The following CLTCL1 variants were observed in gnomAD, a reference collection of about 807,000 sequenced individuals.
CLTCL1 encodes the protein clathrin heavy chain 2.
CLTCL1 carries 159 observed loss-of-function variants against 190.0 expected under a neutral mutation model. The ratio of observed to expected loss-of-function variants is 0.84; its 90% CI spans 0.74 to 0.95. CLTCL1 has a LOEUF of 0.95. Ranked by LOEUF, CLTCL1 falls within the 40% of genes least tolerant of loss-of-function variation. CLTCL1 has a pLI of 0.00. For missense variants in CLTCL1, 1,878 were observed against 2,033.4 expected (o/e 0.92, Z 1.47); for synonymous variants, 752 against 769.6 (o/e 0.98, Z 0.38).
At chr22:19,184,680 A>G (rs1555927484) in intron 29 of CLTCL1, 2 of 417,872 alleles carry the variant, frequency 4.8e-6, no homozygotes, top group African/African-American at 2.0e-5. Context: ...CTTGTCTTCC[A>G]CATGTGCCTA....
chr22:19,216,212 A>G lies in CLTCL1; in HGVS notation c.2964T>C (p.Ile988=). Residue 988 remains isoleucine (I), a synonymous_variant, in exon 19 of 33, where the codon ATT becomes ATC. Transcript: ENST00000427926. ...TCATAAAGGCTTTGACAGTGACCGA[A>G]ATCTCTTCAGGATCCCGTGTTTCTG... ...ALSETRDPEE[I]SVTVKAFMTA... The G allele has an allele frequency of 1.2e-6, 2 of 1,614,006 alleles. No homozygotes were observed. The highest frequency in any genetic ancestry group is 1.7e-6 in the Non-Finnish European group (2 of 1,179,868).
intron 2 of CLTCL1, among the ~76,000 whole-genome samples, chr22:19,259,230 G>A (rs1555974336): frequency 1.3e-5 from 2 of 152,048 alleles, no homozygotes; most frequent in African/African-American, 4.8e-5. Flanking sequence ...CTCAGCCTCT[G>A]TAGTAGTTGG....
chr22:19,204,516 T>C (rs993324512), intron 22 of CLTCL1, among the ~76,000 whole-genome samples: 1 of 152,180 alleles, frequency 6.6e-6, no homozygotes, highest in African/African-American at 2.4e-5. Context: ...CACCATTTAA[T>C]AGATCACAGT....
intron 30 of CLTCL1, chr22:19,181,064 G>A (rs2084120970): frequency 5.6e-6 from 3 of 537,002 alleles, no homozygotes; most frequent in Non-Finnish European, 1.0e-5. Context: ...AGTGGGCACT[G>A]GGGCAGTCAG....
chr22:19,234,537 G>A lies in CLTCL1; in HGVS notation c.1139C>T (p.Ala380Val), dbSNP rs782685604. 6.2e-7 allele frequency: 1 copy of A among 1,613,694 alleles called. No individual in the cohort carries two copies. Among genetic ancestry groups the A allele is most frequent in the East Asian group, 2.2e-5 (1 of 44,884 alleles). ...TLFAQGSYAEAAKVAASAPKG... is the reference protein window; with the variant it reads ...TLFAQGSYAEVAKVAASAPKG... Reference sequence around the variant, plus strand: ...TGGTGCAGACGCTGCAACTTTGGCGGCTTCAGCATAGCTGCCCTGTGCAAA... The same window carrying A: ...TGGTGCAGACGCTGCAACTTTGGCGACTTCAGCATAGCTGCCCTGTGCAAA... Residue 380 changes from alanine to valine, a missense_variant, in exon 7 of 33, where the codon GCC (alanine) becomes GTC (valine). By Grantham distance (64) the Ala-to-Val change is moderately conservative. Coordinates refer to ENST00000427926, the MANE Select transcript of CLTCL1 (RefSeq NM_007098.4).
At chr22:19,208,440 C>A in intron 21 of CLTCL1, 129 bp from the exon 22 acceptor site, 1 of 1,061,166 alleles carries the variant, frequency 9.4e-7, no homozygotes, top group East Asian at 2.4e-5. Flanking sequence ...ACTCAGACTC[C>A]AGATAACGTC....
rs782750787 is a variant in CLTCL1, at chr22:19,223,911, G to C, written c.2272C>G (p.Arg758Gly). 1.2e-6 allele frequency: 2 copies of C among 1,613,794 alleles called. No individual in the cohort carries two copies. Among genetic ancestry groups the C allele is most frequent in the Admixed American group, 3.3e-5 (2 of 60,024 alleles). The change falls in exon 14 of 33, where the codon CGT becomes GGT. Residue 758 changes from arginine to glycine, a missense_variant. Arg to Gly is a moderately radical substitution (Grantham distance 125). Coordinates refer to ENST00000427926, the MANE Select transcript of CLTCL1 (RefSeq NM_007098.4). Reference protein sequence around the residue: ...CRESSCYNPERVKNFLKEAKL... With the variant: ...CRESSCYNPEGVKNFLKEAKL... ...CACACCTTCAGGAAGTTCTTCACAC[G>C]CTCTGGGTTGTAGCAGCTGCTCTCT...
Position 19,198,703 on chromosome 22 carries a change from G to A in CLTCL1, c.3873+1031C>T, listed in dbSNP as rs1251012597. Among the ~76,000 whole-genome samples the A allele has an allele frequency of 1.3e-5, 2 of 152,118 alleles. No homozygotes were observed. The highest frequency in any genetic ancestry group is 2.1e-4 in the South Asian group (1 of 4,824). ...CCAGGCACTCCTATGCCCTCAAACCGGCTCCATTTTCCTCTATAACTGATC... is the reference window on the plus strand; with the variant it reads ...CCAGGCACTCCTATGCCCTCAAACCAGCTCCATTTTCCTCTATAACTGATC... On this transcript the variant is annotated intron_variant, in intron 24 of 32. Coordinates refer to ENST00000427926, the MANE Select transcript of CLTCL1 (RefSeq NM_007098.4). This position sits in a 1 kb window ranked among gnomAD's most constrained non-coding sequence, Gnocchi z 4.1.
At position 19,225,508 on chromosome 22, in the gene CLTCL1, C is replaced by T; in HGVS notation, c.2073G>A (p.Glu691=). 1 of 1,587,566 alleles carries T rather than the reference C, an allele frequency of 6.3e-7. No homozygotes were observed. Among genetic ancestry groups the T allele is most frequent in the Non-Finnish European group, 8.6e-7 (1 of 1,166,324 alleles). Residue 691 remains glutamate (E), a synonymous_variant, in exon 13 of 33, where the codon GAG becomes GAA. Transcript: ENST00000427926. The stretch of plus-strand genomic sequence containing the variant: ...CCACCAGGGCCTGCGTGCCCAGCTG[C>T]TCGTGGTACTTAGAGGCCACCTGCA... The part of the protein sequence containing the change: ...LCVQVASKYH[E]QLGTQALVEL...
chr22:19,272,620 G>A (rs959190675), intron 2 of CLTCL1, among the ~76,000 whole-genome samples: 3 of 151,998 alleles, frequency 2.0e-5, no homozygotes, highest in Non-Finnish European at 2.9e-5. Flanking sequence ...ACAGGTGCAC[G>A]CCACCACGCC....
intron 5 of CLTCL1, among the ~76,000 whole-genome samples, chr22:19,238,195 T>C (rs895636139): frequency 6.6e-6 from 1 of 152,176 alleles, no homozygotes; most frequent in Non-Finnish European, 1.5e-5. Flanking sequence ...GTTCTAGAAA[T>C]TCTCCTGCCT....
At chr22:19,201,916 T>C (rs2084899922) in intron 22 of CLTCL1, among the ~76,000 whole-genome samples, 1 of 152,138 alleles carries the variant, frequency 6.6e-6, no homozygotes, top group South Asian at 2.1e-4. Flanking sequence ...TTTCTCATTC[T>C]CTGGCAATTT....
chr22:19,233,539 G>A lies in CLTCL1; in HGVS notation c.1251C>T (p.Tyr417=). The change falls in exon 8 of 33, where the codon TAC becomes TAT. Residue 417 remains tyrosine, a synonymous_variant. Transcript: ENST00000427926. Reference sequence around the variant, plus strand: ...GACCCTGGTCGAGCAGGATTCCGAAGTACTGCAGCAATGGAGAAGCCTGGC... The same window carrying A: ...GACCCTGGTCGAGCAGGATTCCGAAATACTGCAGCAATGGAGAAGCCTGGC... ...QSGQASPLLQ[Y]FGILLDQGQL... The A allele has an allele frequency of 6.2e-7, 1 of 1,613,980 alleles. No individual in the cohort carries two copies. The highest frequency in any genetic ancestry group is 8.5e-7 in the Non-Finnish European group (1 of 1,179,896).
rs782422702 is a variant in CLTCL1, at chr22:19,191,393, A to G, written c.4234T>C (p.Leu1412=). ...ELCYRALQFY[L]DYKPLLINDL... Reference sequence around the variant, plus strand: ...TTGATGAGCAGTGGTTTGTAATCCAAATAGAACTGCAGGGCTCTGTAACAG... The same window carrying G: ...TTGATGAGCAGTGGTTTGTAATCCAGATAGAACTGCAGGGCTCTGTAACAG... The change falls in exon 27 of 33, where the codon TTG becomes CTG. Residue 1412 remains leucine, a synonymous_variant. Transcript: ENST00000427926. 1.3e-5 allele frequency: 21 copies of G among 1,613,994 alleles called. No individual in the cohort carries two copies. Among genetic ancestry groups the G allele is most frequent in the Non-Finnish European group, 1.6e-5 (19 of 1,179,884 alleles).
intron 4 of CLTCL1, among the ~76,000 whole-genome samples, chr22:19,241,754 A>C (rs2086260424): frequency 6.6e-6 from 1 of 152,120 alleles, no homozygotes; most frequent in African/African-American, 2.4e-5. Flanking sequence ...AGCCCTGCCG[A>C]GCAGCCGCTG....
rs140709833 is a variant in CLTCL1 at position 19,210,478 on chromosome 22, T to A, written c.3097A>T (p.Ile1033Phe). ...ATGACCCGTGTGCGGTCTGCCTTGA[T>A]GGCAGTCAGGATCAACAGATTCTGT... Reference protein sequence around the residue: ...NLQNLLILTAIKADRTRVMEY... With the variant: ...NLQNLLILTAFKADRTRVMEY... The change falls in exon 20 of 33, where the codon ATC becomes TTC. Residue 1033 changes from isoleucine (I) to phenylalanine (F), a missense_variant. Physicochemically the swap from Ile to Phe is conservative, Grantham distance 21. Coordinates refer to ENST00000427926, the MANE Select transcript of CLTCL1 (RefSeq NM_007098.4). 649 of 1,613,892 alleles carry A rather than the reference T, an allele frequency of 4.0e-4. 1 individual carries two copies. In the African/African-American group the frequency reaches 7.9e-3, roughly 20 times the overall value.
chr22:19,278,982 T>A (rs2087611688), intron 1 of CLTCL1, among the ~76,000 whole-genome samples: 1 of 152,122 alleles, frequency 6.6e-6, no homozygotes, highest in Non-Finnish European at 1.5e-5. Flanking sequence ...CTTGTGGTGA[T>A]CCACCTGCCT....
chr22:19,256,169 TTTA>T (rs1555972350), intron 2 of CLTCL1, among the ~76,000 whole-genome samples: 42 of 151,876 alleles, frequency 2.8e-4, no homozygotes, highest in Admixed American at 7.9e-4. Flanking sequence ...TTTCTTTCTT[TTTA>T]ATAGATACAG....
At chr22:19,262,462 C>G (rs967330314) in intron 2 of CLTCL1, among the ~76,000 whole-genome samples, 3 of 150,402 alleles carry the variant, frequency 2.0e-5, no homozygotes, top group Non-Finnish European at 4.4e-5. Flanking sequence ...GAAACCCCAT[C>G]TCTACTAAAA....
Sources: allele counts gnomAD v4.1 joint callset (sites outside exome capture counted in the v4.1 genomes callset), GRCh38; gene constraint gnomAD v4.1.1; non-coding constraint Gnocchi (gnomAD v3.1); transcripts MANE v1.5; gene names NCBI Gene and HGNC (gene_info 2026-07-23, HGNC 2026-07-21).